OCA2: variants seen among roughly 807,000 people sequenced by gnomAD.
OCA2 encodes the protein P protein.
Under a neutral mutation model 100.2 loss-of-function variants are expected in OCA2, and 77 were observed. The ratio of observed to expected loss-of-function variants is 0.77; its 90% confidence interval spans 0.64 to 0.93. OCA2 has a LOEUF of 0.93. OCA2 is among the 40% of genes least tolerant of loss of function. The pLI, the probability that OCA2 is intolerant of heterozygous loss-of-function variation, is 0.00. For missense variants in OCA2, 1,062 were observed against 1,089.1 expected (o/e 0.98, Z 0.35); for synonymous variants, 432 against 439.2 (o/e 0.98, Z 0.21).
intron 23 of OCA2, among the ~76,000 whole-genome samples, chr15:27,801,959 T>A (rs1302507049): frequency 6.6e-6 from 1 of 152,172 alleles, no homozygotes; most frequent in Non-Finnish European, 1.5e-5. Flanking sequence ...CAATGCATTT[T>A]ACTGGAAAGT....
At chr15:27,958,574 GAGC>G (rs1032444268) in intron 15 of OCA2, among the ~76,000 whole-genome samples, 1 of 152,150 alleles carries the variant, frequency 6.6e-6, no homozygotes, top group Non-Finnish European at 1.5e-5. Context: ...TCTATAGAAT[GAGC>G]AGAATTTTCA....
chr15:27,940,412 C>A (rs2039607078), intron 18 of OCA2, among the ~76,000 whole-genome samples: 1 of 152,222 alleles, frequency 6.6e-6, no homozygotes, highest in Admixed American at 6.5e-5. Flanking sequence ...ACACACATTC[C>A]TAGCCTGGCA....
intron 18 of OCA2, among the ~76,000 whole-genome samples, chr15:27,939,608 G>A (rs2039575397): frequency 6.6e-6 from 1 of 152,188 alleles, no homozygotes; most frequent in Non-Finnish European, 1.5e-5. Context: ...AATGCTAAAT[G>A]CAGTTAAGAA....
chr15:27,960,489 C>G (rs1312434128), intron 15 of OCA2, among the ~76,000 whole-genome samples: 1 of 152,172 alleles, frequency 6.6e-6, no homozygotes, highest in Non-Finnish European at 1.5e-5. Flanking sequence ...TTGTCCAGGC[C>G]TCACCCTCTC....
intron 18 of OCA2, among the ~76,000 whole-genome samples, chr15:27,933,544 G>A (rs1342260808): frequency 6.6e-6 from 1 of 152,188 alleles, no homozygotes; most frequent in Non-Finnish European, 1.5e-5. Context: ...GGGTGCAGGC[G>A]AGCTGAGTTC....
intron 15 of OCA2, among the ~76,000 whole-genome samples, chr15:27,961,276 G>T (rs2040403603): frequency 6.6e-6 from 1 of 152,160 alleles, no homozygotes; most frequent in Non-Finnish European, 1.5e-5. Context: ...TTAGAATGAT[G>T]ATCATTAAAA....
At chr15:28,003,548 T>C (rs2041993458) in intron 9 of OCA2, among the ~76,000 whole-genome samples, 1 of 149,480 alleles carries the variant, frequency 6.7e-6, no homozygotes, top group Non-Finnish European at 1.5e-5. Flanking sequence ...AACCACAGCC[T>C]AGAGTCTGAA....
At chr15:27,991,062 T>C (rs1179432357) in intron 9 of OCA2, among the ~76,000 whole-genome samples, 1 of 152,244 alleles carries the variant, frequency 6.6e-6, no homozygotes, top group Non-Finnish European at 1.5e-5. Context: ...CTTCATCTAA[T>C]TGAGATGTCT....
At chr15:28,061,594 G>C (rs1158970743) in intron 2 of OCA2, among the ~76,000 whole-genome samples, 1 of 152,114 alleles carries the variant, frequency 6.6e-6, no homozygotes, top group African/African-American at 2.4e-5. Flanking sequence ...TATTAAAAGA[G>C]GCCCAGAGAG....
intron 14 of OCA2, among the ~76,000 whole-genome samples, chr15:27,974,544 A>G (rs1449860915): frequency 6.6e-6 from 1 of 152,210 alleles, no homozygotes; most frequent in Admixed American, 6.5e-5. Flanking sequence ...AGGCAGATGG[A>G]TCACCTGAGG....
chr15:27,808,476 C>G (rs533874640), intron 23 of OCA2, among the ~76,000 whole-genome samples: 1 of 152,328 alleles, frequency 6.6e-6, no homozygotes, highest in African/African-American at 2.4e-5. Context: ...ACAACTGTCT[C>G]AAGATGGAAT....
At chr15:28,005,806 G>C (rs930579568) in intron 9 of OCA2, among the ~76,000 whole-genome samples, 2 of 152,148 alleles carry the variant, frequency 1.3e-5, no homozygotes, top group Non-Finnish European at 2.9e-5. Context: ...TGGCATCTTG[G>C]AAGTGGTCAT....
chr15:27,739,167 T>G, the OCA2 span, among the ~76,000 whole-genome samples: 1 of 152,050 alleles, frequency 6.6e-6, no homozygotes, highest in Non-Finnish European at 1.5e-5. Context: ...AAATGAGAAG[T>G]GGGAAACCCT....
intron 15 of OCA2, among the ~76,000 whole-genome samples, chr15:27,961,632 G>C (rs1463172016): frequency 2.6e-5 from 4 of 152,188 alleles, no homozygotes; most frequent in Non-Finnish European, 4.4e-5. Flanking sequence ...AAAAGGATGA[G>C]TTCATGTCCT....
At chr15:27,812,953 G>T (rs917421017) in intron 23 of OCA2, among the ~76,000 whole-genome samples, 3 of 151,800 alleles carry the variant, frequency 2.0e-5, no homozygotes, top group Non-Finnish European at 4.4e-5. Flanking sequence ...TTCCCCACAT[G>T]CCCACTACAG....
At chr15:27,859,423 T>C (rs576271462) in intron 21 of OCA2, among the ~76,000 whole-genome samples, 19 of 152,206 alleles carry the variant, frequency 1.2e-4, no homozygotes, top group African/African-American at 4.6e-4. Context: ...GTTAACTAAG[T>C]GAAATAAATA....
intron 3 of OCA2, among the ~76,000 whole-genome samples, chr15:28,029,800 TAAAAG>T (rs1566818815): frequency 6.6e-6 from 1 of 152,200 alleles, no homozygotes; most frequent in Non-Finnish European, 1.5e-5. Context: ...ATAAAGTTGA[TAAAAG>T]TAAAGCATGA....
intron 21 of OCA2, among the ~76,000 whole-genome samples, chr15:27,865,293 G>A (rs1355390926): frequency 6.6e-6 from 1 of 152,148 alleles, no homozygotes; most frequent in Admixed American, 6.5e-5. Context: ...TGTCACTGGA[G>A]GTGGCAACTG....
At chr15:28,000,518 AAC>A (rs777014467) in intron 9 of OCA2, among the ~76,000 whole-genome samples, 1 of 152,214 alleles carries the variant, frequency 6.6e-6, no homozygotes, top group Non-Finnish European at 1.5e-5. Context: ...TCTGGAAGAA[AAC>A]ACAGGAGAAA....
Sources: allele counts gnomAD v4.1 joint callset (sites outside exome capture counted in the v4.1 genomes callset), GRCh38; gene constraint gnomAD v4.1.1; transcripts MANE v1.5; gene names NCBI Gene and HGNC (gene_info 2026-07-23, HGNC 2026-07-21).